TESK2: variants seen among roughly 807,000 people sequenced by gnomAD.
TESK2 encodes testis associated actin remodelling kinase 2, also known as dual specificity testis-specific protein kinase 2.
In TESK2, 39 loss-of-function variants were observed where a neutral mutation model predicts 57.1. The observed-to-expected ratio is 0.68, with a 90% CI of 0.53 to 0.89. The LOEUF is 0.89. Ranked by LOEUF, TESK2 falls within the 40% of genes least tolerant of loss-of-function variation. The probability of loss-of-function intolerance (pLI) is 0.00; values close to 1 mark genes in which losing one functional copy is unlikely to be tolerated. For missense variants in TESK2, 646 were observed against 732.1 expected, an observed-to-expected ratio of 0.88 and a Z score of 1.36; for synonymous variants, 249 against 267.9, an observed-to-expected ratio of 0.93 and a Z score of 0.69.
chr1:45,460,987 T>C (rs1652308149), intron 1 of TESK2, among the ~76,000 whole-genome samples: 1 of 152,130 alleles, frequency 6.6e-6, no homozygotes, highest in Non-Finnish European at 1.5e-5. Context: ...TGCTTCAAAC[T>C]ACCTGAGGAG....
At chr1:45,442,381 A>G (rs1235409438) in intron 2 of TESK2, among the ~76,000 whole-genome samples, 1 of 152,106 alleles carries the variant, frequency 6.6e-6, no homozygotes, top group Non-Finnish European at 1.5e-5. Flanking sequence ...CAACAGACTT[A>G]CATCATGGGT....
At position 45,366,655 on chromosome 1, in the gene TESK2, C is replaced by T. The variant is rs1028583254; in HGVS notation, c.394-11206G>A. On this transcript the variant is annotated intron_variant, in intron 4 of 10. Coordinates refer to ENST00000372086, the MANE Select transcript of TESK2 (RefSeq NM_007170.3). ...ATTTTGTAAGCCCCTTTGTAAAACTCAGTGAAATTGTTGAACAAACAAATA... is the reference window on the plus strand; with the variant it reads ...ATTTTGTAAGCCCCTTTGTAAAACTTAGTGAAATTGTTGAACAAACAAATA... Among the ~76,000 whole-genome samples, 3 of 152,078 alleles carry T rather than the reference C, an allele frequency of 2.0e-5. No homozygotes were observed. In the South Asian group the frequency reaches 6.2e-4, roughly 32 times the overall value.
At chr1:45,460,810 C>T (rs1652303666) in intron 1 of TESK2, among the ~76,000 whole-genome samples, 1 of 152,074 alleles carries the variant, frequency 6.6e-6, no homozygotes, top group Non-Finnish European at 1.5e-5. Flanking sequence ...ATTTTAGAGC[C>T]AGTAGAAAAC....
chr1:45,436,181 C>CTGTTTTTTTTTTTTTTTTTT (rs1651208077), intron 2 of TESK2, among the ~76,000 whole-genome samples: 1 of 56,604 alleles, frequency 1.8e-5, no homozygotes, highest in African/African-American at 5.9e-5. Flanking sequence ...TTGGTATCTT[C>CTGTTTTTTTTTTTTTTTTTT]TTTTTTTTTT....
chr1:45,345,666 T>C, intron 10 of TESK2, 108 bp from the exon 11 acceptor site: 2 of 1,109,880 alleles, frequency 1.8e-6, no homozygotes, highest in South Asian at 1.5e-5. Flanking sequence ...ACCATGGCCC[T>C]GTTTTACCAA....
intron 3 of TESK2, among the ~76,000 whole-genome samples, chr1:45,419,631 C>A (rs1650383126): frequency 2.0e-5 from 3 of 151,900 alleles, no homozygotes; most frequent in African/African-American, 7.3e-5. Flanking sequence ...CGTGGTAAAA[C>A]CCCGTCTCTA....
At chr1:45,417,828 T>A (rs542092369) in intron 3 of TESK2, among the ~76,000 whole-genome samples, 3 of 152,286 alleles carry the variant, frequency 2.0e-5, no homozygotes, top group Admixed American at 1.3e-4. Flanking sequence ...CCTGACCTCG[T>A]GATCCGCCCA....
At chr1:45,421,568 A>C (rs1250035290) in intron 3 of TESK2, among the ~76,000 whole-genome samples, 157 bp downstream of exon 3, 4 of 152,190 alleles carry the variant, frequency 2.6e-5, no homozygotes, top group African/African-American at 9.7e-5. Context: ...ATTAAGTCTC[A>C]ATGGGTAGAA....
rs369633748 is a variant in TESK2, at chr1:45,423,473, C to A, written c.223-1627G>T. ...TCGGGAGGCTGAGCCAGGAGAATGG[C>A]ATGAGCCTGGGAGGCGGGGCCCGCA... On this transcript the variant is annotated intron_variant, in intron 2 of 10. Coordinates refer to ENST00000372086, the MANE Select transcript of TESK2 (RefSeq NM_007170.3). Among the ~76,000 whole-genome samples the A allele has an allele frequency of 1.7e-4, 26 of 151,262 alleles. No homozygotes were observed. The East Asian group carries it at 4.9e-3, about 28-fold the overall frequency.
In TESK2 at chr1:45,345,989, A is replaced by G. The variant is rs2149262264; in HGVS notation, c.885T>C (p.Asp295=). ...LQLTFNCCNM[D]PKLRPSFVEI... is the part of the protein sequence containing the mutation. ...CCACAAAAGATGGGCGCAGTTTGGG[A>G]TCCATCTGTAGGTATCCACAACAGC... The change falls in exon 10 of 11, where the codon GAT becomes GAC. Residue 295 remains aspartate, a synonymous_variant. Coordinates refer to ENST00000372086, the MANE Select transcript of TESK2 (RefSeq NM_007170.3). The G allele has an allele frequency of 6.2e-7, 1 of 1,613,344 alleles. No homozygotes were observed. Among genetic ancestry groups the G allele is most frequent in the Non-Finnish European group, 8.5e-7 (1 of 1,179,348 alleles).
intron 4 of TESK2, among the ~76,000 whole-genome samples, chr1:45,364,076 T>C (rs1409631480): frequency 6.6e-6 from 1 of 152,170 alleles, no homozygotes; most frequent in Admixed American, 6.5e-5. Context: ...AGATGAAGCA[T>C]CTACAGTTAA....
At chr1:45,370,130 C>A (rs972341050) in intron 4 of TESK2, among the ~76,000 whole-genome samples, 1 of 151,994 alleles carries the variant, frequency 6.6e-6, no homozygotes, top group Admixed American at 6.6e-5. Flanking sequence ...ATCCAGTTTG[C>A]CTGAATTATA....
chr1:45,406,909 C>T (rs1649870660), intron 3 of TESK2, among the ~76,000 whole-genome samples: 1 of 152,148 alleles, frequency 6.6e-6, no homozygotes, highest in Admixed American at 6.6e-5. Flanking sequence ...ATTCTATTTA[C>T]CTTCATACAT....
rs1557551360 is a variant in TESK2 at position 45,384,427 on chromosome 1, C to CTATG, written c.393+1481_393+1484dup. The stretch of plus-strand genomic sequence containing the variant: ...TCTATCTATCTATCTATCTATCTAT[C>CTATG]TATGTATCTAGAGACAGGGTCTCAC... On this transcript the variant is annotated intron_variant, in intron 4 of 10. Transcript: ENST00000372086. Among the ~76,000 whole-genome samples the CTATG allele has an allele frequency of 2.9e-4, 41 of 142,000 alleles. No individual in the cohort carries two copies. In the East Asian group the frequency reaches 6.8e-3, roughly 24 times the overall value. The allele number at this position is 142,000 out of a possible 152,430, so 93.2% of individuals were successfully genotyped here. A position where few individuals can be genotyped will look rare whatever the true frequency, so the allele number is the denominator to read the frequency against.
At chr1:45,447,694 A>T (rs1651695007) in intron 2 of TESK2, among the ~76,000 whole-genome samples, 5 of 152,170 alleles carry the variant, frequency 3.3e-5, no homozygotes, top group Admixed American at 3.3e-4. Flanking sequence ...TACATTCTGT[A>T]CATAATTATA....
intron 1 of TESK2, among the ~76,000 whole-genome samples, chr1:45,470,697 G>A (rs1177714926): frequency 1.3e-5 from 2 of 152,200 alleles, no homozygotes; most frequent in African/African-American, 2.4e-5. Flanking sequence ...TTAATCTTTA[G>A]ACCAATTCAG....
chr1:45,415,573 G>A (rs1267544363), intron 3 of TESK2, among the ~76,000 whole-genome samples: 1 of 152,056 alleles, frequency 6.6e-6, no homozygotes, highest in East Asian at 1.9e-4. Flanking sequence ...CAACAACAAA[G>A]GCTATAATAG....
At chr1:45,425,040 G>GTACT (rs1463902358) in intron 2 of TESK2, among the ~76,000 whole-genome samples, 5 of 152,186 alleles carry the variant, frequency 3.3e-5, no homozygotes, top group African/African-American at 1.2e-4. Context: ...ATTTAACATA[G>GTACT]TACTGGACAC....
At chr1:45,464,811 C>T (rs955027464) in intron 1 of TESK2, among the ~76,000 whole-genome samples, 1 of 152,182 alleles carries the variant, frequency 6.6e-6, no homozygotes, top group African/African-American at 2.4e-5. Flanking sequence ...TAAGAAACTG[C>T]TAACTGTGGC....
Sources: gnomAD v4.1 joint callset for allele counts (sites outside exome capture counted in the v4.1 genomes callset) on GRCh38, gnomAD v4.1.1 for gene constraint, MANE v1.5 for transcripts, NCBI Gene and HGNC (gene_info 2026-07-23, HGNC 2026-07-21) for gene names.